The following GRID2 variants were observed in gnomAD, a reference collection of about 807,000 sequenced individuals.
GRID2 encodes glutamate receptor ionotropic, delta-2.
Under a neutral mutation model 114.8 loss-of-function variants are expected in GRID2, and 33 were observed. The observed-to-expected ratio is 0.29, with a 90% confidence interval of 0.22 to 0.38. The LOEUF is 0.38. Ranked by LOEUF, GRID2 falls within the 10% of genes least tolerant of loss-of-function variation. GRID2 has a pLI of 1.00. For missense variants in GRID2, 1,184 were observed against 1,257.7 expected (o/e 0.94, Z 0.89); for synonymous variants, 505 against 449.9 (o/e 1.12, Z -1.55).
intron 1 of GRID2, among the ~76,000 whole-genome samples, chr4:92,319,065 A>G (rs1386296670): frequency 6.6e-6 from 1 of 152,126 alleles, no homozygotes; most frequent in Non-Finnish European, 1.5e-5. Context: ...AGAATGTATA[A>G]TATTTTTGTT....
chr4:93,327,603 C>A (rs1051708131), intron 8 of GRID2, among the ~76,000 whole-genome samples: 2 of 151,986 alleles, frequency 1.3e-5, no homozygotes, highest in African/African-American at 4.8e-5. Context: ...ATGGATGGAA[C>A]TGTAGGCCAT....
chr4:92,893,813 T>G (rs1461439305), intron 2 of GRID2, among the ~76,000 whole-genome samples: 1 of 152,172 alleles, frequency 6.6e-6, no homozygotes, highest in Non-Finnish European at 1.5e-5. Context: ...TGAGGATAAG[T>G]TGAAATGCAG....
intron 2 of GRID2, among the ~76,000 whole-genome samples, chr4:92,772,226 A>C (rs1738578254): frequency 1.3e-5 from 2 of 152,136 alleles, no homozygotes; most frequent in African/African-American, 4.8e-5. Flanking sequence ...TCTAGCCTTT[A>C]CTATGCTGAA....
intron 2 of GRID2, among the ~76,000 whole-genome samples, chr4:93,028,453 T>C (rs1724087558): frequency 6.6e-6 from 1 of 151,006 alleles, no homozygotes; most frequent in South Asian, 2.1e-4. Context: ...CCGGAAAGAG[T>C]TCCAAAAGGT....
In GRID2 at chr4:93,100,560, A is replaced by G. The variant is rs926534620; in HGVS notation, c.530-10188A>G. Among the ~76,000 whole-genome samples, 4 of 151,934 alleles carry G rather than the reference A, an allele frequency of 2.6e-5. No homozygotes were observed. In the East Asian group the frequency reaches 5.8e-4, roughly 22 times the overall value. ...TCTCTTCAGCTCAATGATGTATCTCATATATCCAGCAGTATGACATACTCC... is the reference window on the plus strand; with the variant it reads ...TCTCTTCAGCTCAATGATGTATCTCGTATATCCAGCAGTATGACATACTCC... On this transcript the variant is annotated intron_variant, in intron 3 of 15. Coordinates refer to ENST00000282020, the MANE Select transcript of GRID2 (RefSeq NM_001510.4).
At chr4:92,612,248 C>G (rs1355039742) in intron 2 of GRID2, among the ~76,000 whole-genome samples, 1 of 151,524 alleles carries the variant, frequency 6.6e-6, no homozygotes, top group South Asian at 2.1e-4. Context: ...TATTTTGGCA[C>G]TTTTGTTGAT....
chr4:92,968,279 A>G (rs1753283391), intron 2 of GRID2, among the ~76,000 whole-genome samples: 2 of 151,908 alleles, frequency 1.3e-5, no homozygotes, highest in Non-Finnish European at 2.9e-5. Flanking sequence ...TATTAATTTT[A>G]TTAATTAAAT....
intron 2 of GRID2, among the ~76,000 whole-genome samples, chr4:92,918,365 C>A (rs1308934737): frequency 6.6e-6 from 1 of 152,114 alleles, no homozygotes; most frequent in Non-Finnish European, 1.5e-5. Flanking sequence ...CCTGATTGCC[C>A]TGGCCAGAAC....
chr4:92,537,624 G>A (rs559908652), intron 1 of GRID2, among the ~76,000 whole-genome samples: 37 of 152,174 alleles, frequency 2.4e-4, no homozygotes, highest in African/African-American at 8.2e-4. Flanking sequence ...TATTATATGA[G>A]TAATTATGTT....
chr4:92,887,612 T>A (rs928999075), intron 2 of GRID2, among the ~76,000 whole-genome samples: 2 of 152,198 alleles, frequency 1.3e-5, no homozygotes, highest in African/African-American at 4.8e-5. Context: ...CATGGTGTCA[T>A]CATTAGATAA....
intron 1 of GRID2, among the ~76,000 whole-genome samples, chr4:93,782,917 ACACACAAACT>A (rs1433730698): frequency 6.6e-6 from 1 of 151,930 alleles, no homozygotes; most frequent in African/African-American, 2.4e-5. Context: ...ACACACACAC[ACACACAAACT>A]AATCTATCTT....
intron 1 of GRID2, among the ~76,000 whole-genome samples, chr4:92,314,421 CTG>C (rs1350993425): frequency 6.6e-6 from 1 of 152,090 alleles, no homozygotes; most frequent in East Asian, 1.9e-4. Context: ...TAAATTTCCT[CTG>C]AGTGCATTCT....
chr4:93,087,658 G>A (rs560668531), intron 3 of GRID2, among the ~76,000 whole-genome samples: 1 of 151,944 alleles, frequency 6.6e-6, no homozygotes, highest in Non-Finnish European at 1.5e-5. Context: ...TTTGCTTTAG[G>A]AATTTTATTT....
At chr4:92,842,180 A>T (rs573362437) in intron 2 of GRID2, among the ~76,000 whole-genome samples, 2 of 152,262 alleles carry the variant, frequency 1.3e-5, no homozygotes, top group South Asian at 4.1e-4. Context: ...AGCATGCATT[A>T]GGGTTTTGGT....
intron 2 of GRID2, among the ~76,000 whole-genome samples, chr4:92,678,286 A>T (rs1052652025): frequency 6.6e-6 from 1 of 152,074 alleles, no homozygotes; most frequent in African/African-American, 2.4e-5. Flanking sequence ...ATTTATTGGT[A>T]TTCCCATATT....
intron 7 of GRID2, among the ~76,000 whole-genome samples, chr4:93,236,402 A>G (rs1199637256): frequency 6.6e-6 from 1 of 152,068 alleles, no homozygotes; most frequent in Non-Finnish European, 1.5e-5. Context: ...GGAAGGTTTC[A>G]TAGGTTTATT....
intron 2 of GRID2, among the ~76,000 whole-genome samples, chr4:92,968,657 C>A (rs1157316549): frequency 1.3e-5 from 2 of 151,810 alleles, no homozygotes; most frequent in Non-Finnish European, 2.9e-5. Context: ...CATAGTTGTA[C>A]AAACATTGCC....
intron 8 of GRID2, among the ~76,000 whole-genome samples, chr4:93,390,501 A>G (rs554180185): frequency 2.0e-5 from 3 of 152,314 alleles, no homozygotes; most frequent in East Asian, 3.9e-4. Flanking sequence ...CACTTTTACT[A>G]TTCGCATTTG....
chr4:92,993,991 G>A (rs192301993), intron 2 of GRID2, among the ~76,000 whole-genome samples: 154 of 152,210 alleles, frequency 1.0e-3, no homozygotes, highest in Non-Finnish European at 1.2e-3. Flanking sequence ...CATTTCAGGG[G>A]CCAGTAGAAG....
Sources: allele counts gnomAD v4.1 joint callset (sites outside exome capture counted in the v4.1 genomes callset), GRCh38; gene constraint gnomAD v4.1.1; transcripts MANE v1.5; gene names NCBI Gene and HGNC (gene_info 2026-07-23, HGNC 2026-07-21).